The following REPS2 variants were observed in gnomAD, a reference collection of about 807,000 sequenced individuals.
REPS2 encodes ralBP1-associated Eps domain-containing protein 2.
In REPS2, 23 loss-of-function variants were observed where a neutral mutation model predicts 53.6. The observed-to-expected ratio is 0.43, with a 90% CI of 0.31 to 0.61. The LOEUF (loss-of-function observed/expected upper bound fraction) is 0.61, where lower values mean the gene tolerates loss of function less well. REPS2 is among the 20% of genes least tolerant of loss of function. The probability of loss-of-function intolerance (pLI) is 0.11; values close to 1 mark genes in which losing one functional copy is unlikely to be tolerated. For synonymous variants in REPS2, 238 were observed against 218.6 expected (o/e 1.09, Z -0.78); for missense variants, 446 against 534.9 (o/e 0.83, Z 1.64).
intron 12 of REPS2, among the ~76,000 whole-genome samples, chrX:17,076,403 G>A (rs780801824): frequency 1.8e-5 from 2 of 111,283 alleles, no homozygotes; most frequent in Admixed American, 1.9e-4. Context: ...TTGGGAACCC[G>A]TCCTTAAACC....
intron 17 of REPS2, among the ~76,000 whole-genome samples, chrX:17,139,215 A>T (rs2063412463): frequency 9.0e-6 from 1 of 111,408 alleles, no homozygotes; most frequent in South Asian, 3.8e-4. Context: ...TTTAAGTTTC[A>T]TGGGTTGGTT....
intron 15 of REPS2, 127 bp from the exon 16 acceptor site, chrX:17,135,134 G>A (rs1017492557): frequency 3.2e-6 from 2 of 632,564 alleles, no homozygotes; most frequent in African/African-American, 4.5e-5. Context: ...TGAGCCATGG[G>A]TCAGTAAATA....
the REPS2 span, among the ~76,000 whole-genome samples, chrX:17,166,079 G>T: frequency 9.0e-6 from 1 of 111,368 alleles, no homozygotes; most frequent in Non-Finnish European, 1.9e-5. Context: ...CAAGAGGGAG[G>T]CTAAAGAATT....
intron 14 of REPS2, among the ~76,000 whole-genome samples, chrX:17,116,763 C>G (rs980001888): frequency 8.9e-6 from 1 of 112,023 alleles, no homozygotes; most frequent in Non-Finnish European, 1.9e-5. Flanking sequence ...CCACTTTTAA[C>G]TTTGAGGATT....
rs746391191 is a variant in REPS2, at chrX:17,062,570, A to G, written c.1209+38A>G. 9.1e-6 allele frequency: 9 copies of G among 993,098 alleles called. No individual in the cohort carries two copies. The Admixed American group carries it at 2.4e-4, about 27-fold the overall frequency. 81.8% of individuals were successfully genotyped at this position (993,098 alleles called of 1,213,427 possible). A position where few individuals can be genotyped will look rare whatever the true frequency, so the allele number is the denominator to read the frequency against. The stretch of plus-strand genomic sequence containing the variant: ...CATATGCTAATAAATAAGGATGTGT[A>G]TGGAGCTAAATCCATTGGCCTATGT... On this transcript the variant is annotated intron_variant, in intron 9 of 17. Transcript: ENST00000357277.
At chrX:17,046,014 G>A (rs2147908896) in intron 5 of REPS2, among the ~76,000 whole-genome samples, 1 of 109,749 alleles carries the variant, frequency 9.1e-6, no homozygotes, top group Non-Finnish European at 1.9e-5. Context: ...GTTAGTGGGT[G>A]GAATTGCCCG....
intron 1 of REPS2, among the ~76,000 whole-genome samples, chrX:16,991,758 A>G (rs1030392161): frequency 1.8e-5 from 2 of 111,230 alleles, no homozygotes; most frequent in African/African-American, 6.5e-5. Context: ...TAAATAAAAA[A>G]GAAGGCAGTC....
Position 17,022,138 on chromosome X carries a change from G to T in REPS2, c.413G>T (p.Arg138Leu). 1 of 1,206,649 alleles carries T rather than the reference G, an allele frequency of 8.3e-7. No individual in the cohort carries two copies. Among genetic ancestry groups the T allele is most frequent in the Non-Finnish European group, 1.1e-6 (1 of 892,574 alleles). Residue 138 changes from arginine (R) to leucine (L), a missense_variant, in exon 3 of 18, where the codon CGC becomes CTC. By Grantham distance (102) the Arg-to-Leu change is moderately radical (BLOSUM62 -2). Transcript: ENST00000357277. Reference protein sequence around the residue: ...ESIKCELPLPRFMMSKNDGEI... With the variant: ...ESIKCELPLPLFMMSKNDGEI... ...GGTCCCAAAGAATTGCCTCTGCCTC[G>T]CTTTATGATGTCAAAGAATGATGGT...
At chrX:17,054,769 A>C (rs752237275) in intron 7 of REPS2, 39 bp from the exon 8 acceptor site, 2 of 1,196,532 alleles carry the variant, frequency 1.7e-6, no homozygotes, top group South Asian at 3.6e-5. Context: ...TTGTTCTGTA[A>C]GCCCCATGGT....
chrX:17,053,893 A>T (rs999960509), intron 7 of REPS2, among the ~76,000 whole-genome samples: 1 of 111,717 alleles, frequency 9.0e-6, no homozygotes, highest in Non-Finnish European at 1.9e-5. Flanking sequence ...GAGGATGTAA[A>T]TGGTCTAAAG....
chrX:17,117,862 A>G (rs1222422385), intron 14 of REPS2, among the ~76,000 whole-genome samples: 1 of 109,812 alleles, frequency 9.1e-6, no homozygotes. Context: ...TGACTTCCAC[A>G]ATGGTTGAAC....
intron 8 of REPS2, among the ~76,000 whole-genome samples, chrX:17,060,682 AG>A (rs1219593266): frequency 9.0e-6 from 1 of 110,992 alleles, no homozygotes; most frequent in Non-Finnish European, 1.9e-5. Flanking sequence ...AGGCTCTGAG[AG>A]GGGGCTTGGA....
At chrX:17,009,284 G>A (rs559288279) in intron 2 of REPS2, among the ~76,000 whole-genome samples, 8 of 110,135 alleles carry the variant, frequency 7.3e-5, no homozygotes, top group African/African-American at 6.6e-5. Context: ...TCAGCGCCCC[G>A]AGTAGCTGGG....
At chrX:17,153,608 G>A (rs192705064), downstream of REPS2, among the ~76,000 whole-genome samples, 228 of 111,893 alleles carry the variant, frequency 2.0e-3, no homozygotes, top group African/African-American at 7.0e-3. Flanking sequence ...CTTAGCTGGA[G>A]TTGGGGTGAT....
chrX:17,000,121 G>A (rs2061288617), intron 1 of REPS2, among the ~76,000 whole-genome samples: 1 of 108,194 alleles, frequency 9.2e-6, no homozygotes, highest in African/African-American at 3.4e-5. Context: ...GCCAATATCT[G>A]AACTATGGCA....
chrX:16,975,114 C>T (rs1412834869), intron 1 of REPS2, among the ~76,000 whole-genome samples: 1 of 112,016 alleles, frequency 8.9e-6, no homozygotes, highest in African/African-American at 3.3e-5. Flanking sequence ...TCCAGTCTAT[C>T]ATTGATGGGC....
chrX:16,950,833 T>C (rs1925572307), intron 1 of REPS2, among the ~76,000 whole-genome samples: 1 of 112,603 alleles, frequency 8.9e-6, no homozygotes, highest in African/African-American at 3.2e-5. Flanking sequence ...GAGGATTGCT[T>C]GAGGCCAGGA....
intron 8 of REPS2, among the ~76,000 whole-genome samples, chrX:17,058,514 A>G (rs2062106940): frequency 9.0e-6 from 1 of 110,764 alleles, no homozygotes; most frequent in Non-Finnish European, 1.9e-5. Flanking sequence ...CCTGAGCTAA[A>G]AGTATGTTAA....
chrX:16,971,478 T>A (rs942799985), intron 1 of REPS2, among the ~76,000 whole-genome samples: 1 of 112,394 alleles, frequency 8.9e-6, no homozygotes, highest in African/African-American at 3.2e-5. Flanking sequence ...GTGGGTTGTC[T>A]TTTTACTTTC....
Sources: gnomAD v4.1 joint callset for allele counts (sites outside exome capture counted in the v4.1 genomes callset) on GRCh38, gnomAD v4.1.1 for gene constraint, MANE v1.5 for transcripts, NCBI Gene and HGNC (gene_info 2026-07-23, HGNC 2026-07-21) for gene names.